Variants in FAM184B observed in about 807,000 individuals in gnomAD.
FAM184B encodes protein FAM184B.
Under a neutral mutation model 135.9 loss-of-function variants are expected in FAM184B, and 111 were observed. The observed-to-expected ratio is 0.82, with a 90% confidence interval of 0.70 to 0.96. The LOEUF (loss-of-function observed/expected upper bound fraction) is 0.96. Ranked by LOEUF, FAM184B falls within the 40% of genes least tolerant of loss-of-function variation. The pLI, the probability that FAM184B is intolerant of heterozygous loss-of-function variation, is 0.00. For missense variants in FAM184B, 1,375 were observed against 1,323.9 expected (o/e 1.04, Z -0.60); for synonymous variants, 552 against 524.8 (o/e 1.05, Z -0.71).
At chr4:17,693,800 C>T (rs1326882670) in intron 5 of FAM184B, among the ~76,000 whole-genome samples, 1 of 152,142 alleles carries the variant, frequency 6.6e-6, no homozygotes, top group African/African-American at 2.4e-5. Flanking sequence ...TTCTCAACAG[C>T]ATCCATACAT....
chr4:17,711,902 G>T (rs142187464), intron 1 of FAM184B, among the ~76,000 whole-genome samples: 1 of 152,162 alleles, frequency 6.6e-6, no homozygotes, highest in South Asian at 2.1e-4. Flanking sequence ...AATGAGACAA[G>T]GTCACTAACA....
chr4:17,694,518 A>C (rs1454767787), intron 5 of FAM184B, among the ~76,000 whole-genome samples: 1 of 99,708 alleles, frequency 1.0e-5, no homozygotes, highest in Non-Finnish European at 2.1e-5. Flanking sequence ...GCAAGACTCC[A>C]TCTCAAAAAA....
rs1715144956 is a variant in FAM184B at position 17,636,593 on chromosome 4, G to A, written c.2719C>T (p.Leu907Phe). The stretch of plus-strand genomic sequence containing the variant: ...GTCTGCAGGCGGCCAATGAGCTGAA[G>A]GTCCTCGGGCCTGGACGCTCCCTTC... ...PGKGASRPED[L>F]QLIGRLQTRL... is the part of the protein sequence containing the mutation. The change falls in exon 15 of 18, where the codon CTT becomes TTT. Residue 907 changes from leucine to phenylalanine, a missense_variant. Coordinates refer to ENST00000265018, the MANE Select transcript of FAM184B (RefSeq NM_015688.2). The A allele has an allele frequency of 2.6e-6, 4 of 1,550,972 alleles. No homozygotes were observed. Among genetic ancestry groups the A allele is most frequent in the African/African-American group, 1.4e-5 (1 of 73,040 alleles).
intron 1 of FAM184B, among the ~76,000 whole-genome samples, chr4:17,742,847 A>T (rs929000151): frequency 6.6e-6 from 1 of 152,208 alleles, no homozygotes; most frequent in African/African-American, 2.4e-5. Flanking sequence ...AGGTGCCAAG[A>T]GGGCAAGAAC....
In FAM184B at chr4:17,781,195, G is replaced by C; in HGVS notation, c.105C>G (p.His35Gln). 6.5e-7 allele frequency: 1 copy of C among 1,550,034 alleles called. No homozygotes were observed. The highest frequency in any genetic ancestry group is 8.7e-7 in the Non-Finnish European group (1 of 1,146,268). Residue 35 changes from histidine (H) to glutamine (Q), a missense_variant, in exon 1 of 18, where the codon CAC becomes CAG. By Grantham distance (24) the His-to-Gln change is conservative. Coordinates refer to ENST00000265018, the MANE Select transcript of FAM184B (RefSeq NM_015688.2). The surrounding 1 kb of genome is among the most constrained non-coding windows in gnomAD (Gnocchi z 6.5). ...GGGCGATCTTCTTGCACATTTTCACGTGCATCTGGGGATCACAGTCCATTC... is the reference window on the plus strand; with the variant it reads ...GGGCGATCTTCTTGCACATTTTCACCTGCATCTGGGGATCACAGTCCATTC... Reference protein sequence around the residue: ...GWRMDCDPQMHVKMCKKIAQL... With the variant: ...GWRMDCDPQMQVKMCKKIAQL...
intron 5 of FAM184B, among the ~76,000 whole-genome samples, chr4:17,701,972 T>C (rs1335669540): frequency 6.6e-6 from 1 of 152,202 alleles, no homozygotes. Flanking sequence ...CAAATTTAAG[T>C]AACCACACAT....
intron 1 of FAM184B, among the ~76,000 whole-genome samples, chr4:17,764,327 G>A (rs1289843130): frequency 1.3e-5 from 2 of 152,064 alleles, no homozygotes; most frequent in Non-Finnish European, 2.9e-5. Context: ...GCAGTTTATC[G>A]ATCACCTCTT....
intron 6 of FAM184B, 72 bp downstream of exon 6, chr4:17,693,230 G>T: frequency 8.5e-7 from 1 of 1,175,390 alleles, no homozygotes; most frequent in Non-Finnish European, 1.2e-6. Flanking sequence ...AAAATTCTTG[G>T]CTTCTCAGTT....
At chr4:17,669,859 AT>A (rs559623771) in intron 7 of FAM184B, among the ~76,000 whole-genome samples, 429 of 152,378 alleles carry the variant, frequency 2.8e-3, no homozygotes, top group African/African-American at 9.7e-3. Flanking sequence ...AGCTAAAAAA[AT>A]AAACCAATAC....
In FAM184B at chr4:17,646,113, A is replaced by G. The variant is rs576363956; in HGVS notation, c.2346+1524T>C. Among the ~76,000 whole-genome samples the G allele has an allele frequency of 9.0e-3, 1,373 of 152,312 alleles. 23 individuals are homozygous for G. Among genetic ancestry groups the G allele is most frequent in the African/African-American group, 0.032 (1,326 of 41,572 alleles). On this transcript the variant is annotated intron_variant, in intron 12 of 17. Coordinates refer to ENST00000265018, the MANE Select transcript of FAM184B (RefSeq NM_015688.2). ...GGAGAGGATGTGGAGAAATAGGAAC[A>G]CTTTGACACTGTTGGTGGGACTGTA...
chr4:17,649,689 T>G (rs1715557677), intron 11 of FAM184B, among the ~76,000 whole-genome samples: 1 of 152,200 alleles, frequency 6.6e-6, no homozygotes, highest in Non-Finnish European at 1.5e-5. Context: ...AACCCCATTT[T>G]TTGAAAACTG....
At chr4:17,639,193 C>G in intron 14 of FAM184B, 57 bp downstream of exon 14, 1 of 1,506,938 alleles carries the variant, frequency 6.6e-7, no homozygotes, top group Non-Finnish European at 9.0e-7. Flanking sequence ...GTGAGTTGGC[C>G]ACCCTACTGA....
At chr4:17,752,258 C>G (rs148692330) in intron 1 of FAM184B, among the ~76,000 whole-genome samples, 23 of 152,164 alleles carry the variant, frequency 1.5e-4, no homozygotes, top group African/African-American at 4.6e-4. Context: ...ATTGGAGTTT[C>G]AAGAGAGATT....
intron 14 of FAM184B, among the ~76,000 whole-genome samples, chr4:17,637,735 C>T (rs1367327073): frequency 6.6e-6 from 1 of 152,182 alleles, no homozygotes; most frequent in Non-Finnish European, 1.5e-5. Flanking sequence ...TGAATTAATG[C>T]TGCCTGACCT....
intron 6 of FAM184B, 97 bp from the exon 7 acceptor site, chr4:17,688,628 T>C (rs1463227775): frequency 4.7e-6 from 4 of 848,544 alleles, no homozygotes; most frequent in Non-Finnish European, 7.1e-6. Flanking sequence ...GGTCAGTCTG[T>C]TCTGGGGAGA....
chr4:17,694,565 C>G (rs1334545796), intron 5 of FAM184B, among the ~76,000 whole-genome samples: 1 of 151,692 alleles, frequency 6.6e-6, no homozygotes, highest in Non-Finnish European at 1.5e-5. Flanking sequence ...GCTTTCTGTT[C>G]TAGCTTAATT....
chr4:17,635,688 A>C (rs897130384), intron 15 of FAM184B, among the ~76,000 whole-genome samples: 2 of 149,770 alleles, frequency 1.3e-5, no homozygotes, highest in Non-Finnish European at 2.9e-5. Context: ...AAAAAAAAAA[A>C]CCCATGATAC....
At chr4:17,720,883 T>TAAAAAAAAAAAAAA (rs59409749) in intron 1 of FAM184B, among the ~76,000 whole-genome samples, 2 of 100,324 alleles carry the variant, frequency 2.0e-5, no homozygotes, top group East Asian at 2.9e-4. Context: ...AGACTTCATC[T>TAAAAAAAAAAAAAA]AAAAAAAAAA....
chr4:17,676,725 T>C (rs1303673922), intron 7 of FAM184B, among the ~76,000 whole-genome samples: 1 of 152,246 alleles, frequency 6.6e-6, no homozygotes, highest in African/African-American at 2.4e-5. Flanking sequence ...TGTAAAGATG[T>C]AGTGTTAAAC....
Sources: gnomAD v4.1 joint callset for allele counts (sites outside exome capture counted in the v4.1 genomes callset) on GRCh38, gnomAD v4.1.1 for gene constraint, Gnocchi (gnomAD v3.1) non-coding constraint, MANE v1.5 for transcripts, NCBI Gene and HGNC (gene_info 2026-07-23, HGNC 2026-07-21) for gene names.